The following DRC7 variants were observed in gnomAD, a reference collection of about 807,000 sequenced individuals.
DRC7 encodes coiled-coil domain containing 135.
In DRC7, 80 loss-of-function variants were observed where a neutral mutation model predicts 104.4. The observed-to-expected ratio is 0.77, with a 90% CI of 0.64 to 0.92. The LOEUF is 0.92. Ranked by LOEUF, DRC7 falls within the 40% of genes least tolerant of loss-of-function variation. The pLI is 0.00. For synonymous variants in DRC7, 405 were observed against 447.3 expected (o/e 0.91, Z 1.19); for missense variants, 1,034 against 1,141.1 (o/e 0.91, Z 1.35).
intron 3 of DRC7, 22 bp downstream of exon 3, chr16:57,698,174 C>T (rs766764538): frequency 3.1e-6 from 5 of 1,613,472 alleles, no homozygotes; most frequent in East Asian, 2.2e-5. Context: ...AGGGTGGGGG[C>T]CCTGGCAAGG....
intron 10 of DRC7, 35 bp from the exon 11 acceptor site, chr16:57,722,678 T>C (rs1196881134): frequency 6.2e-7 from 1 of 1,610,234 alleles, no homozygotes; most frequent in Non-Finnish European, 8.5e-7. Context: ...TCCCCCAAAC[T>C]AGCAAGAAGA....
At chr16:57,698,755 A>G in intron 3 of DRC7, 95 bp from the exon 4 acceptor site, 1 of 1,189,184 alleles carries the variant, frequency 8.4e-7, no homozygotes. Flanking sequence ...GTGAGGATTA[A>G]ATGAGGAAGG....
intron 7 of DRC7, 101 bp downstream of exon 7, chr16:57,705,135 C>CTAGTTGGGGGGTCCATA: frequency 4.6e-6 from 6 of 1,308,888 alleles, no homozygotes; most frequent in Non-Finnish European, 6.2e-6. Context: ...GTGTATGGAC[C>CTAGTTGGGGGGTCCATA]CCCCAACTAG....
chr16:57,726,140 G>C lies in DRC7; in HGVS notation c.1831G>C (p.Val611Leu). 1.2e-6 allele frequency: 2 copies of C among 1,613,222 alleles called. No homozygotes were observed. Among genetic ancestry groups the C allele is most frequent in the Non-Finnish European group, 1.7e-6 (2 of 1,180,042 alleles). The change falls in exon 14 of 19, where the codon GTC (valine) becomes CTC (leucine). Residue 611 changes from valine (V) to leucine (L), a missense_variant. Coordinates refer to ENST00000360716, the MANE Select transcript of DRC7 (RefSeq NM_001289162.2). Reference protein sequence around the residue: ...EEDVAERVFLVAEERIQLRYH... With the variant: ...EEDVAERVFLLAEERIQLRYH... ...GGACGTGGCAGAGCGCGTGTTTCTGGTCGCGGAGGAGCGCATCCAGCTGCG... is the reference window on the plus strand; with the variant it reads ...GGACGTGGCAGAGCGCGTGTTTCTGCTCGCGGAGGAGCGCATCCAGCTGCG...
chr16:57,721,898 C>G (rs375407958), intron 10 of DRC7, among the ~76,000 whole-genome samples, 159 bp downstream of exon 10: 58 of 152,194 alleles, frequency 3.8e-4, no homozygotes, highest in African/African-American at 8.4e-4. Context: ...CTCCCTCCCC[C>G]CTTCCTGCCA....
intron 7 of DRC7, 143 bp from the exon 8 acceptor site, chr16:57,707,317 T>A (rs1392948160): frequency 1.5e-6 from 1 of 676,410 alleles, no homozygotes; most frequent in Non-Finnish European, 2.5e-6. Context: ...GGAGGGGAGA[T>A]GGGCCGTCAC....
chr16:57,715,864 G>A (rs1366089788), intron 8 of DRC7, among the ~76,000 whole-genome samples: 1 of 152,198 alleles, frequency 6.6e-6, no homozygotes, highest in Non-Finnish European at 1.5e-5. Flanking sequence ...CATCCATCAG[G>A]CTCCGAGGTG....
intron 4 of DRC7, among the ~76,000 whole-genome samples, chr16:57,699,589 T>C (rs948776401): frequency 1.3e-5 from 2 of 152,154 alleles, no homozygotes; most frequent in Admixed American, 6.5e-5. Context: ...CCAATTTGTC[T>C]TATTTCTCTG....
At chr16:57,722,299 G>T (rs1385709551) in intron 10 of DRC7, among the ~76,000 whole-genome samples, 1 of 152,214 alleles carries the variant, frequency 6.6e-6, no homozygotes, top group African/African-American at 2.4e-5. Context: ...TAGGGCCTGG[G>T]GATGGGTGAG....
intron 5 of DRC7, among the ~76,000 whole-genome samples, chr16:57,700,656 CAAAAAAAA>C (rs59120133): frequency 2.3e-5 from 2 of 88,618 alleles, no homozygotes; most frequent in African/African-American, 8.5e-5. Flanking sequence ...AAAACTCTCT[CAAAAAAAA>C]AAAAAAAAAA....
intron 12 of DRC7, 113 bp downstream of exon 12, chr16:57,723,243 C>A: frequency 7.7e-7 from 1 of 1,303,792 alleles, no homozygotes; most frequent in Non-Finnish European, 1.0e-6. Flanking sequence ...TACATGGGTT[C>A]TTGGGCAGCA....
Position 57,722,998 on chromosome 16 carries a change from A to G in DRC7, c.1409-4A>G, listed in dbSNP as rs757412554. 1.2e-6 allele frequency: 2 copies of G among 1,613,696 alleles called. No individual in the cohort carries two copies. Among genetic ancestry groups the G allele is most frequent in the African/African-American group, 2.7e-5 (2 of 74,892 alleles). ...GCTGCGGCAAGTGTCCATCGGCCCCACAGGTACCAATATTTTGGAGATAAA... is the reference window on the plus strand; with the variant it reads ...GCTGCGGCAAGTGTCCATCGGCCCCGCAGGTACCAATATTTTGGAGATAAA... On this transcript the variant is annotated splice_region_variant and splice_polypyrimidine_tract_variant and intron_variant, in intron 11 of 18. Coordinates refer to ENST00000360716, the MANE Select transcript of DRC7 (RefSeq NM_001289162.2).
chr16:57,716,551 T>C (rs546000053), intron 8 of DRC7, among the ~76,000 whole-genome samples: 1 of 150,248 alleles, frequency 6.7e-6, no homozygotes, highest in South Asian at 2.1e-4. Flanking sequence ...TACAATTGGG[T>C]TCCTATCCAC....
In DRC7 at chr16:57,727,353, A is replaced by G. The variant is rs2048983233; in HGVS notation, c.2140A>G (p.Ile714Val). ...EEEEAAHTLT[I>V]SIYDTKRNEK... is the part of the protein sequence containing the mutation. ...AGAGGAGGCGGCGCACACACTGACC[A>G]TCTCCATCTATGACACCAAGCGGAA... The change falls in exon 16 of 19, where the codon ATC becomes GTC. Residue 714 changes from isoleucine (I) to valine (V), a missense_variant. Physicochemically the swap from Ile to Val is conservative, Grantham distance 29. Transcript: ENST00000360716. The G allele has an allele frequency of 2.5e-6, 4 of 1,613,406 alleles. No homozygotes were observed. Among genetic ancestry groups the G allele is most frequent in the Non-Finnish European group, 3.4e-6 (4 of 1,179,886 alleles).
intron 8 of DRC7, among the ~76,000 whole-genome samples, chr16:57,713,426 T>C (rs1180072515): frequency 6.6e-6 from 1 of 152,186 alleles, no homozygotes; most frequent in East Asian, 1.9e-4. Flanking sequence ...ATTAGATGAG[T>C]AAATGTTTGA....
At chr16:57,720,901 G>A (rs1430181956) in intron 9 of DRC7, among the ~76,000 whole-genome samples, 1 of 152,150 alleles carries the variant, frequency 6.6e-6, no homozygotes, top group East Asian at 1.9e-4. Context: ...AAGGCTCAGA[G>A]AGGAAATAAT....
Position 57,707,583 on chromosome 16 carries a change from T to C in DRC7, c.982T>C (p.Tyr328His), listed in dbSNP as rs750577104. ...CATCGACCCATTCACAGGACATAGC[T>C]ACAGCACCCAGGATGAGCACTTCCT... Reference protein sequence around the residue: ...FFIDPFTGHSYSTQDEHFLGI... With the variant: ...FFIDPFTGHSHSTQDEHFLGI... Residue 328 changes from tyrosine (Y) to histidine (H), a missense_variant, in exon 8 of 19, where the codon TAC (tyrosine) becomes CAC (histidine). Coordinates refer to ENST00000360716, the MANE Select transcript of DRC7 (RefSeq NM_001289162.2). The C allele has an allele frequency of 4.3e-6, 7 of 1,613,472 alleles. No individual in the cohort carries two copies. The Admixed American group carries it at 1.0e-4, about 23-fold the overall frequency.
chr16:57,697,490 C>A (rs994858525), intron 2 of DRC7, among the ~76,000 whole-genome samples: 4 of 151,798 alleles, frequency 2.6e-5, no homozygotes, highest in Non-Finnish European at 5.9e-5. Context: ...ATTGCTTGAG[C>A]CTGGGAGTTT....
At chr16:57,713,700 G>A (rs2048812143) in intron 8 of DRC7, 1 of 152,340 alleles carries the variant, frequency 6.6e-6, no homozygotes. Flanking sequence ...GACCAGGCCA[G>A]TTTCCCTTGG....
Sources: gnomAD v4.1 joint callset for allele counts (sites outside exome capture counted in the v4.1 genomes callset) on GRCh38, gnomAD v4.1.1 for gene constraint, MANE v1.5 for transcripts, NCBI Gene and HGNC (gene_info 2026-07-23, HGNC 2026-07-21) for gene names.